The following KATNBL1 variants were observed in gnomAD, a reference collection of about 807,000 sequenced individuals.
KATNBL1 encodes the protein katanin regulatory subunit B1 like 1.
In KATNBL1, 28 loss-of-function variants were observed where a neutral mutation model predicts 44.7. The ratio of observed to expected loss-of-function variants is 0.63; its 90% CI spans 0.46 to 0.86. KATNBL1 has a LOEUF of 0.86. Among genes scored for constraint, KATNBL1 ranks in the 40% least tolerant of loss-of-function variants. The pLI, the probability that KATNBL1 is intolerant of heterozygous loss-of-function variation, is 0.00. For synonymous variants in KATNBL1, 78 were observed against 114.9 expected (o/e 0.68, Z 2.06); for missense variants, 272 against 350.7 (o/e 0.78, Z 1.79).
Position 34,169,726 on chromosome 15 carries a change from A to G in KATNBL1, c.-14-6036T>C, listed in dbSNP as rs151261314. Among the ~76,000 whole-genome samples the G allele has an allele frequency of 7.9e-5, 12 of 152,328 alleles. No individual in the cohort carries two copies. The East Asian group carries it at 2.3e-3, about 29-fold the overall frequency. ...GCAAACCGAATCCAGCAGCACATCA[A>G]AACCTTATCCACCACGATCAAGTCG... On this transcript the variant is annotated intron_variant, in intron 1 of 9. Coordinates refer to ENST00000256544, the MANE Select transcript of KATNBL1 (RefSeq NM_024713.3).
intron 2 of KATNBL1, among the ~76,000 whole-genome samples, chr15:34,161,250 A>AT (rs1023141305): frequency 2.0e-5 from 3 of 151,802 alleles, no homozygotes; most frequent in Non-Finnish European, 2.9e-5. Flanking sequence ...GTATGTGATT[A>AT]TTTTTTTTCC....
intron 1 of KATNBL1, among the ~76,000 whole-genome samples, chr15:34,180,484 T>G (rs931826451): frequency 6.8e-6 from 1 of 146,952 alleles, no homozygotes; most frequent in Non-Finnish European, 1.5e-5. Flanking sequence ...TCTGGTTCCT[T>G]TTCCTCCAGC....
At chr15:34,179,725 A>C (rs537302217) in intron 1 of KATNBL1, among the ~76,000 whole-genome samples, 1 of 152,342 alleles carries the variant, frequency 6.6e-6, no homozygotes, top group East Asian at 1.9e-4. Flanking sequence ...CTATCCAATC[A>C]AAAAAGGTCT....
chr15:34,165,249 C>T (rs1309963938), intron 1 of KATNBL1, among the ~76,000 whole-genome samples: 5 of 151,980 alleles, frequency 3.3e-5, no homozygotes, highest in East Asian at 1.9e-4. Context: ...ACATTGGGGG[C>T]GACTTAAATG....
intron 1 of KATNBL1, among the ~76,000 whole-genome samples, chr15:34,171,700 T>C (rs920318508): frequency 6.6e-6 from 1 of 152,182 alleles, no homozygotes; most frequent in African/African-American, 2.4e-5. Context: ...TGTCCATCAA[T>C]GATAAACTGG....
At chr15:34,174,346 G>A (rs1889257675) in intron 1 of KATNBL1, among the ~76,000 whole-genome samples, 1 of 152,154 alleles carries the variant, frequency 6.6e-6, no homozygotes, top group Admixed American at 6.5e-5. Context: ...AAAATGGAAT[G>A]AGAAACGTGT....
chr15:34,151,045 A>G (rs1888454040), intron 4 of KATNBL1, among the ~76,000 whole-genome samples: 1 of 152,168 alleles, frequency 6.6e-6, no homozygotes, highest in African/African-American at 2.4e-5. Flanking sequence ...TGTCTTTGCT[A>G]TTGTGAACAG....
chr15:34,144,309 C>G (rs1173013157), intron 9 of KATNBL1, among the ~76,000 whole-genome samples: 4 of 151,832 alleles, frequency 2.6e-5, no homozygotes, highest in African/African-American at 9.7e-5. Context: ...TTTGCCCAAG[C>G]CTCTGTTTCC....
intron 1 of KATNBL1, chr15:34,177,990 T>C (rs1255986768): frequency 6.6e-6 from 1 of 152,158 alleles, no homozygotes; most frequent in African/African-American, 2.4e-5. Context: ...GTGAAAACAG[T>C]TTATAACCAC....
At chr15:34,150,817 A>G (rs929262140) in intron 4 of KATNBL1, among the ~76,000 whole-genome samples, 4 of 152,140 alleles carry the variant, frequency 2.6e-5, no homozygotes, top group Non-Finnish European at 5.9e-5. Flanking sequence ...GTCCATATGC[A>G]CTAGCACAGT....
rs1329075598 is a variant in KATNBL1, at chr15:34,140,862, T to C, written c.*1477A>G. ...AAATAACCAATTATTACAATTCATG[T>C]TCACTGTGAGGAATATCTAGCTATA... On this transcript the variant is annotated 3_prime_UTR_variant, in exon 10 of 10. Coordinates refer to ENST00000256544, the MANE Select transcript of KATNBL1 (RefSeq NM_024713.3). The C allele has an allele frequency of 6.6e-6, 1 of 152,170 alleles. No individual in the cohort carries two copies. Among genetic ancestry groups the C allele is most frequent in the East Asian group, 1.9e-4 (1 of 5,204 alleles). The allele number at this position is 152,170 out of a possible 1,614,324, so 9.4% of individuals were successfully genotyped here.
At chr15:34,152,110 T>C (rs1256908431) in intron 4 of KATNBL1, among the ~76,000 whole-genome samples, 2 of 151,938 alleles carry the variant, frequency 1.3e-5, no homozygotes, top group Non-Finnish European at 2.9e-5. Context: ...CCGGCTCATT[T>C]TTGTACTTTT....
chr15:34,196,490 G>A (rs925328524), intron 1 of KATNBL1, among the ~76,000 whole-genome samples: 1 of 152,142 alleles, frequency 6.6e-6, no homozygotes, highest in Non-Finnish European at 1.5e-5. Flanking sequence ...CACTTTAGGA[G>A]GCCAAGGTGG....
intron 1 of KATNBL1, among the ~76,000 whole-genome samples, chr15:34,208,079 A>G (rs1464214471): frequency 1.3e-5 from 2 of 152,124 alleles, no homozygotes; most frequent in Non-Finnish European, 2.9e-5. Flanking sequence ...GTCCTGGCAC[A>G]TTTTTTATTT....
chr15:34,163,447 G>A, intron 2 of KATNBL1, 113 bp downstream of exon 2: 2 of 1,237,354 alleles, frequency 1.6e-6, no homozygotes, highest in South Asian at 3.0e-5. Flanking sequence ...ACTTAATTCT[G>A]GGAGATTAAG....
rs116708584 is a variant in KATNBL1 at position 34,204,068 on chromosome 15, T to C, written c.-15+5883A>G. Among the ~76,000 whole-genome samples, 101 of 148,326 alleles carry C rather than the reference T, an allele frequency of 6.8e-4. 1 individual carries two copies. Among genetic ancestry groups the C allele is most frequent in the African/African-American group, 2.4e-3 (98 of 40,630 alleles). The stretch of plus-strand genomic sequence containing the variant: ...GCCAGTGTGTGTGATTCACTCCCAT[T>C]ACCTTACCTCTAACCATCAACAGGT... On this transcript the variant is annotated intron_variant, in intron 1 of 9. Transcript: ENST00000256544.
At chr15:34,151,029 A>T (rs1378516289) in intron 4 of KATNBL1, among the ~76,000 whole-genome samples, 1 of 152,106 alleles carries the variant, frequency 6.6e-6, no homozygotes, top group Non-Finnish European at 1.5e-5. Context: ...ATTTCGATTG[A>T]TTCCTTGTCT....
chr15:34,159,959 G>T (rs977488956), intron 2 of KATNBL1, among the ~76,000 whole-genome samples: 7 of 152,112 alleles, frequency 4.6e-5, no homozygotes, highest in Non-Finnish European at 8.8e-5. Flanking sequence ...AGCTGCTCCT[G>T]AGTTGATTAA....
chr15:34,155,987 T>C (rs1437073265), intron 2 of KATNBL1, among the ~76,000 whole-genome samples: 1 of 152,206 alleles, frequency 6.6e-6, no homozygotes, highest in East Asian at 1.9e-4. Context: ...TGTGTTTTTT[T>C]CTTTCTCTGG....
Sources: allele counts gnomAD v4.1 joint callset (sites outside exome capture counted in the v4.1 genomes callset), GRCh38; gene constraint gnomAD v4.1.1; transcripts MANE v1.5; gene names NCBI Gene and HGNC (gene_info 2026-07-23, HGNC 2026-07-21).